GABRB3: variants seen among roughly 807,000 people sequenced by gnomAD.
GABRB3 encodes gamma-aminobutyric acid receptor subunit beta-3.
Under a neutral mutation model 52.1 loss-of-function variants are expected in GABRB3, and 14 were observed. That is an observed-to-expected ratio of 0.27 (90% confidence interval 0.18 to 0.42). GABRB3 has a LOEUF of 0.42. GABRB3 is among the 10% of genes least tolerant of loss of function. The pLI is 1.00. For synonymous variants in GABRB3, 260 were observed against 232.3 expected, an observed-to-expected ratio of 1.12 and a Z score of -1.08; for missense variants, 307 against 609.1, an observed-to-expected ratio of 0.50 and a Z score of 5.22.
intron 3 of GABRB3, among the ~76,000 whole-genome samples, chr15:26,623,321 C>T (rs1445682545): frequency 6.6e-6 from 1 of 152,194 alleles, no homozygotes; most frequent in African/African-American, 2.4e-5. Flanking sequence ...CCAATGAAAG[C>T]CACTGATAGT....
At chr15:26,595,278 C>T (rs1478159525) in intron 4 of GABRB3, among the ~76,000 whole-genome samples, 1 of 152,140 alleles carries the variant, frequency 6.6e-6, no homozygotes, top group Non-Finnish European at 1.5e-5. Context: ...TTCAGGCATC[C>T]TCCAGACAGT....
intron 3 of GABRB3, among the ~76,000 whole-genome samples, chr15:26,628,588 G>A (rs142864016): frequency 6.9e-4 from 105 of 152,266 alleles, no homozygotes; most frequent in Middle Eastern, 6.8e-3. Flanking sequence ...AGGGAAGGGC[G>A]GCTGCCCCTG....
chr15:26,744,776 C>T (rs1890294924), intron 3 of GABRB3, among the ~76,000 whole-genome samples: 1 of 150,432 alleles, frequency 6.6e-6, no homozygotes, highest in African/African-American at 2.4e-5. Context: ...AAACTCACGA[C>T]ATCAAAAATC....
At chr15:26,671,112 T>C (rs532498342) in intron 3 of GABRB3, among the ~76,000 whole-genome samples, 18 of 152,290 alleles carry the variant, frequency 1.2e-4, no homozygotes, top group Admixed American at 6.5e-4. Flanking sequence ...AATACTGTGA[T>C]GTGTAAAGAA....
At position 26,621,861 on chromosome 15, in the gene GABRB3, G is replaced by A. The variant is rs1433396594; in HGVS notation, c.241-327C>T. Among the ~76,000 whole-genome samples the A allele has an allele frequency of 1.3e-5, 2 of 149,872 alleles. No individual in the cohort carries two copies. Among genetic ancestry groups the A allele is most frequent in the South Asian group, 2.2e-4 (1 of 4,610 alleles). On this transcript the variant is annotated intron_variant, in intron 3 of 8. Coordinates refer to ENST00000311550, the MANE Select transcript of GABRB3 (RefSeq NM_000814.6). This position sits in a 1 kb window ranked among gnomAD's most constrained non-coding sequence, Gnocchi z 4.1. ...TCATCGTAAAATCAGGTTGCTGGCG[G>A]GGAACTAGATTGTTCCCATGGATGT...
At chr15:26,650,086 C>T (rs1887150433) in intron 3 of GABRB3, among the ~76,000 whole-genome samples, 1 of 152,066 alleles carries the variant, frequency 6.6e-6, no homozygotes, top group South Asian at 2.1e-4. Context: ...AGCCCAGCAA[C>T]AATGAGCTTG....
chr15:26,670,355 C>T (rs1232131683), intron 3 of GABRB3, among the ~76,000 whole-genome samples: 1 of 152,194 alleles, frequency 6.6e-6, no homozygotes, highest in African/African-American at 2.4e-5. Context: ...AGACCCGGTC[C>T]AGGCACTGCA....
At chr15:26,692,715 G>C (rs1468734800) in intron 3 of GABRB3, among the ~76,000 whole-genome samples, 1 of 152,132 alleles carries the variant, frequency 6.6e-6, no homozygotes, top group Non-Finnish European at 1.5e-5. Context: ...AATCCCAATA[G>C]CTTTTGCAAT....
intron 3 of GABRB3, among the ~76,000 whole-genome samples, chr15:26,771,528 C>G (rs1566837486): frequency 6.6e-6 from 1 of 152,210 alleles, no homozygotes; most frequent in Non-Finnish European, 1.5e-5. Context: ...CAGAGTGTCC[C>G]TCCGCAGAAA....
intron 3 of GABRB3, chr15:26,625,395 G>A (rs1018513970): frequency 1.4e-6 from 1 of 690,146 alleles, no homozygotes; most frequent in African/African-American, 2.0e-5. Context: ...TTTCTTCAAT[G>A]CATCCCATAC....
chr15:26,763,632 AC>A (rs1890883336), intron 3 of GABRB3, among the ~76,000 whole-genome samples: 1 of 151,916 alleles, frequency 6.6e-6, no homozygotes, highest in African/African-American at 2.4e-5. Context: ...ACACACACAC[AC>A]ACACACCATG....
chr15:26,579,727 C>T (rs1890720387), intron 6 of GABRB3, among the ~76,000 whole-genome samples: 1 of 152,192 alleles, frequency 6.6e-6, no homozygotes, highest in Admixed American at 6.5e-5. Flanking sequence ...AAAACCTGTG[C>T]AAGAACAGAC....
At chr15:26,671,801 C>T (rs1450127241) in intron 3 of GABRB3, among the ~76,000 whole-genome samples, 1 of 152,120 alleles carries the variant, frequency 6.6e-6, no homozygotes, top group East Asian at 1.9e-4. Flanking sequence ...CTCCCCAGTG[C>T]CACGGGGGGA....
intron 3 of GABRB3, among the ~76,000 whole-genome samples, chr15:26,754,173 G>C (rs1890592814): frequency 1.3e-5 from 2 of 152,112 alleles, no homozygotes; most frequent in East Asian, 3.9e-4. Context: ...GGCAGAATCA[G>C]GCAATTAAGC....
chr15:26,767,917 C>T (rs1184120859), intron 3 of GABRB3, among the ~76,000 whole-genome samples: 2 of 152,258 alleles, frequency 1.3e-5, no homozygotes, highest in East Asian at 1.9e-4. Context: ...GATTTTTGTA[C>T]ATGGGTATGA....
At chr15:26,571,952 C>G (rs1172162099) in intron 6 of GABRB3, among the ~76,000 whole-genome samples, 1 of 148,600 alleles carries the variant, frequency 6.7e-6, no homozygotes, top group Non-Finnish European at 1.5e-5. Flanking sequence ...GAGGCTGAGG[C>G]AGGAGATCGT....
intron 3 of GABRB3, among the ~76,000 whole-genome samples, chr15:26,677,152 A>G (rs895934119): frequency 6.6e-6 from 1 of 152,194 alleles, no homozygotes; most frequent in Non-Finnish European, 1.5e-5. Flanking sequence ...CTGAAATTTA[A>G]GTCCTTTAGA....
chr15:26,643,508 T>C (rs1409761231), intron 3 of GABRB3, among the ~76,000 whole-genome samples: 1 of 152,126 alleles, frequency 6.6e-6, no homozygotes, highest in Non-Finnish European at 1.5e-5. Flanking sequence ...AATGTTCATG[T>C]TGTGGTGTCT....
At chr15:26,637,979 G>C (rs763484513) in intron 3 of GABRB3, among the ~76,000 whole-genome samples, 1 of 152,184 alleles carries the variant, frequency 6.6e-6, no homozygotes, top group African/African-American at 2.4e-5. Context: ...CATCCTCCAA[G>C]TGCAGCTTAC....
Sources: gnomAD v4.1 joint callset for allele counts (sites outside exome capture counted in the v4.1 genomes callset) on GRCh38, gnomAD v4.1.1 for gene constraint, Gnocchi (gnomAD v3.1) non-coding constraint, MANE v1.5 for transcripts, NCBI Gene and HGNC (gene_info 2026-07-23, HGNC 2026-07-21) for gene names.